ROBO2: variants seen among roughly 807,000 people sequenced by gnomAD.
The protein encoded by ROBO2 is roundabout homolog 2.
ROBO2 carries 53 observed loss-of-function variants against 160.8 expected under a neutral mutation model. That is an observed-to-expected ratio of 0.33 (90% CI 0.26 to 0.41). ROBO2 has a LOEUF of 0.41. Ranked by LOEUF, ROBO2 falls within the 10% of genes least tolerant of loss-of-function variation. The pLI is 1.00. For synonymous variants in ROBO2, 664 were observed against 611.7 expected, an observed-to-expected ratio of 1.09 and a Z score of -1.26; for missense variants, 1,577 against 1,722.4, an observed-to-expected ratio of 0.92 and a Z score of 1.49.
intron 2 of ROBO2, among the ~76,000 whole-genome samples, chr3:76,455,117 C>G (rs912332739): frequency 6.6e-6 from 1 of 152,094 alleles, no homozygotes; most frequent in Middle Eastern, 3.2e-3. Context: ...AAATTTATTT[C>G]ACCATGGAAT....
intron 2 of ROBO2, among the ~76,000 whole-genome samples, chr3:76,940,068 G>A (rs1367121167): frequency 7.1e-6 from 1 of 140,488 alleles, no homozygotes; most frequent in Non-Finnish European, 1.5e-5. Flanking sequence ...TGCAAGCTCC[G>A]CCTCCCGGGT....
intron 2 of ROBO2, among the ~76,000 whole-genome samples, chr3:76,835,334 A>ATTC (rs2067585588): frequency 2.0e-5 from 3 of 149,620 alleles, no homozygotes; most frequent in Non-Finnish European, 4.4e-5. Context: ...AATAAAGGGA[A>ATTC]ACCTCTGTGA....
intron 2 of ROBO2, among the ~76,000 whole-genome samples, chr3:76,812,610 T>G (rs1435419392): frequency 6.6e-6 from 1 of 152,052 alleles, no homozygotes; most frequent in Non-Finnish European, 1.5e-5. Flanking sequence ...TATGATGACT[T>G]TTTAATCTTT....
At chr3:77,400,127 A>G (rs1307501209) in intron 2 of ROBO2, among the ~76,000 whole-genome samples, 1 of 152,168 alleles carries the variant, frequency 6.6e-6, no homozygotes, top group Admixed American at 6.6e-5. Context: ...TAGAATTGTC[A>G]CTGATTAACC....
At chr3:77,632,676 A>C in intron 23 of ROBO2, 1 of 1,524,342 alleles carries the variant, frequency 6.6e-7, no homozygotes, top group Non-Finnish European at 8.8e-7. Context: ...CTCCAAGTCA[A>C]CACTCTTTGC....
chr3:77,615,185 T>A (rs766539686), intron 21 of ROBO2, among the ~76,000 whole-genome samples: 2 of 152,190 alleles, frequency 1.3e-5, no homozygotes, highest in African/African-American at 2.4e-5. Context: ...AGTTTTTTTT[T>A]AAATAAAGTT....
intron 2 of ROBO2, among the ~76,000 whole-genome samples, chr3:76,763,376 C>G (rs115785494): frequency 6.6e-6 from 1 of 151,606 alleles, no homozygotes; most frequent in Non-Finnish European, 1.5e-5. Flanking sequence ...TGATATTGAA[C>G]GGCTACCATG....
chr3:77,491,712 G>A (rs2086137372), intron 4 of ROBO2, among the ~76,000 whole-genome samples: 1 of 152,046 alleles, frequency 6.6e-6, no homozygotes. Flanking sequence ...AGTTTTTATG[G>A]ATCGTTTGTC....
chr3:75,995,084 G>A (rs1211023324), intron 2 of ROBO2, among the ~76,000 whole-genome samples: 2 of 152,198 alleles, frequency 1.3e-5, no homozygotes, highest in East Asian at 3.9e-4. Context: ...GCCTGACAAT[G>A]TGATAGACAA....
chr3:76,117,530 T>G (rs1361051281), intron 2 of ROBO2, among the ~76,000 whole-genome samples: 1 of 152,202 alleles, frequency 6.6e-6, no homozygotes, highest in East Asian at 1.9e-4. Context: ...ATTAATATAC[T>G]TACGTAAACT....
chr3:76,840,929 G>T (rs955135076), intron 2 of ROBO2, among the ~76,000 whole-genome samples: 1 of 151,934 alleles, frequency 6.6e-6, no homozygotes, highest in South Asian at 2.1e-4. Flanking sequence ...CAAGATTCTA[G>T]GTCTTTGAGG....
At chr3:76,196,070 T>C (rs575357642) in intron 2 of ROBO2, among the ~76,000 whole-genome samples, 34 of 152,174 alleles carry the variant, frequency 2.2e-4, no homozygotes, top group Non-Finnish European at 4.0e-4. Flanking sequence ...GGAGCCTGGG[T>C]ACATCAGTGC....
chr3:77,003,740 G>C (rs1398266996), intron 2 of ROBO2, among the ~76,000 whole-genome samples: 5 of 152,124 alleles, frequency 3.3e-5, no homozygotes, highest in African/African-American at 9.7e-5. Context: ...AGTAGAGACA[G>C]AGTTTTGCCA....
intron 2 of ROBO2, among the ~76,000 whole-genome samples, chr3:77,002,269 T>C (rs2061370671): frequency 6.6e-6 from 1 of 151,968 alleles, no homozygotes; most frequent in South Asian, 2.1e-4. Flanking sequence ...ATGTTATTAG[T>C]GTATATCTTA....
chr3:76,263,882 T>C (rs1644367), intron 2 of ROBO2, among the ~76,000 whole-genome samples: 1 of 152,148 alleles, frequency 6.6e-6, no homozygotes, highest in South Asian at 2.1e-4. Context: ...TGGAATACTA[T>C]GCAGCCATAA....
intron 2 of ROBO2, among the ~76,000 whole-genome samples, chr3:76,428,332 C>A (rs1334428795): frequency 6.6e-6 from 1 of 151,990 alleles, no homozygotes; most frequent in African/African-American, 2.4e-5. Context: ...AGAAATGGAT[C>A]ATTATATTGT....
chr3:77,090,045 C>T (rs926845068), intron 1 of ROBO2, among the ~76,000 whole-genome samples: 5 of 152,056 alleles, frequency 3.3e-5, no homozygotes, highest in Non-Finnish European at 7.4e-5. Flanking sequence ...TAAATAGTAA[C>T]AACTAATTCT....
chr3:76,471,383 C>T (rs192312331), intron 2 of ROBO2, among the ~76,000 whole-genome samples: 101 of 152,222 alleles, frequency 6.6e-4, no homozygotes, highest in African/African-American at 2.2e-3. Context: ...TATGTCCTTT[C>T]TGAATGGTTC....
chr3:76,348,670 A>G (rs2074683621), intron 2 of ROBO2, among the ~76,000 whole-genome samples: 1 of 152,060 alleles, frequency 6.6e-6, no homozygotes, highest in Non-Finnish European at 1.5e-5. Flanking sequence ...TCGAGGTACA[A>G]CCAATTATGT....
Sources: allele counts gnomAD v4.1 joint callset (sites outside exome capture counted in the v4.1 genomes callset), GRCh38; gene constraint gnomAD v4.1.1; transcripts MANE v1.5; gene names NCBI Gene and HGNC (gene_info 2026-07-23, HGNC 2026-07-21).